Variants in MAPRE2 observed in about 807,000 individuals in gnomAD.
MAPRE2 encodes microtubule-associated protein RP/EB family member 2.
In MAPRE2, 13 loss-of-function variants were observed where a neutral mutation model predicts 43.2. The observed-to-expected ratio is 0.30, with a 90% confidence interval of 0.20 to 0.48. The LOEUF (loss-of-function observed/expected upper bound fraction) is 0.48, where lower values mean the gene tolerates loss of function less well. Among genes scored for constraint, MAPRE2 ranks in the 20% least tolerant of loss-of-function variants. The pLI, the probability that MAPRE2 is intolerant of heterozygous loss-of-function variation, is 0.99. For missense variants in MAPRE2, 161 were observed against 400.2 expected (o/e 0.40, Z 5.10); for synonymous variants, 135 against 148.8 (o/e 0.91, Z 0.68).
chr18:35,037,492 G>C (rs1389252768), upstream of MAPRE2, among the ~76,000 whole-genome samples: 1 of 152,184 alleles, frequency 6.6e-6, no homozygotes, highest in Non-Finnish European at 1.5e-5. Context: ...CCTCTTTAAT[G>C]CTGATGCTTG....
rs2097029120 is a variant in MAPRE2 at position 35,001,155 on chromosome 18, T to C, written c.-69-4337T>C. Among the ~76,000 whole-genome samples the C allele has an allele frequency of 1.3e-5, 2 of 152,196 alleles. 1 individual carries two copies. Among genetic ancestry groups the C allele is most frequent in the South Asian group, 4.1e-4 (2 of 4,836 alleles). On this transcript the variant is annotated intron_variant, in intron 1 of 7. Transcript: ENST00000413393. ...TCTATGCAAATAAATGTGGACATTT[T>C]ATAAGATTTTGAAAATTCCTAGATA...
At chr18:35,094,713 A>C (rs1350874834) in intron 2 of MAPRE2, among the ~76,000 whole-genome samples, 1 of 152,204 alleles carries the variant, frequency 6.6e-6, no homozygotes, top group Non-Finnish European at 1.5e-5. Flanking sequence ...GAAGATGGAC[A>C]GGAACCAAAG....
exon 2 of MAPRE2, chr18:35,005,542 T>C: frequency 6.5e-7 from 1 of 1,543,532 alleles, no homozygotes; most frequent in Non-Finnish European, 8.8e-7. Context: ...GGAGAAAGCC[T>C]GGATGCTCAA....
chr18:35,118,512 T>C (rs1434873668), intron 4 of MAPRE2, among the ~76,000 whole-genome samples: 1 of 152,184 alleles, frequency 6.6e-6, no homozygotes. Context: ...ACTATAGCAT[T>C]GCAAGTACTT....
chr18:35,103,474 G>A (rs1908769074), intron 4 of MAPRE2, among the ~76,000 whole-genome samples: 1 of 152,094 alleles, frequency 6.6e-6, no homozygotes, highest in African/African-American at 2.4e-5. Context: ...CTAAGTTTGA[G>A]ATTCTTTTGT....
intron 1 of MAPRE2, among the ~76,000 whole-genome samples, chr18:34,982,018 G>C (rs1423861812): frequency 6.6e-6 from 1 of 151,362 alleles, no homozygotes; most frequent in African/African-American, 2.4e-5. Context: ...CCGAGTAGCT[G>C]GGACTACAGC....
chr18:34,978,660 ATGCTTCCTTACTT>A, intron 1 of MAPRE2: 1 of 866,516 alleles, frequency 1.2e-6, no homozygotes, highest in Non-Finnish European at 1.9e-6. Context: ...TGGAAATGAA[ATGCTTCCTTACTT>A]TGCTTTCGTT....
At chr18:35,015,632 CAGTGTGTGTG>C (rs2097037679) in intron 2 of MAPRE2, among the ~76,000 whole-genome samples, 1 of 78,072 alleles carries the variant, frequency 1.3e-5, no homozygotes, top group South Asian at 4.9e-4. Context: ...ATAGGGATGG[CAGTGTGTGTG>C]TGTGTGTGTG....
At chr18:35,035,951 C>T (rs1010871052) in intron 2 of MAPRE2, among the ~76,000 whole-genome samples, 1 of 145,552 alleles carries the variant, frequency 6.9e-6, no homozygotes. Context: ...CACCTCATCA[C>T]ATTAAGACCT....
intron 1 of MAPRE2, among the ~76,000 whole-genome samples, chr18:34,983,220 A>C (rs544707369): frequency 6.6e-6 from 1 of 152,342 alleles, no homozygotes; most frequent in Admixed American, 6.5e-5. Flanking sequence ...TCAACTAATC[A>C]CTAAAAATAA....
chr18:35,001,225 A>G (rs2097029163), intron 1 of MAPRE2, among the ~76,000 whole-genome samples: 1 of 152,188 alleles, frequency 6.6e-6, no homozygotes, highest in African/African-American at 2.4e-5. Flanking sequence ...AATACAGGAT[A>G]TATCAGCTGG....
chr18:35,128,577 C>T (rs1385800010), intron 5 of MAPRE2, among the ~76,000 whole-genome samples: 2 of 152,146 alleles, frequency 1.3e-5, no homozygotes, highest in African/African-American at 4.8e-5. Context: ...TTAAAGTATA[C>T]AGGAGTATGT....
intron 5 of MAPRE2, 169 bp downstream of exon 5, chr18:35,127,256 G>C: frequency 1.6e-6 from 1 of 642,586 alleles, no homozygotes; most frequent in Non-Finnish European, 2.6e-6. Context: ...AGTAGCCCAT[G>C]ATGAATAAAA....
intron 2 of MAPRE2, among the ~76,000 whole-genome samples, chr18:35,017,634 A>G (rs1363599317): frequency 1.3e-5 from 2 of 151,338 alleles, no homozygotes; most frequent in Non-Finnish European, 3.0e-5. Flanking sequence ...CTTGAACATT[A>G]CTGGTGAATG....
At chr18:35,015,087 C>A (rs1268378644) in intron 2 of MAPRE2, among the ~76,000 whole-genome samples, 1 of 152,024 alleles carries the variant, frequency 6.6e-6, no homozygotes, top group African/African-American at 2.4e-5. Context: ...ATATTCAGAC[C>A]CCTAAACAAG....
chr18:35,069,480 C>G (rs1907001739), intron 1 of MAPRE2, among the ~76,000 whole-genome samples: 1 of 151,856 alleles, frequency 6.6e-6, no homozygotes, highest in South Asian at 2.1e-4. Flanking sequence ...GCTTGGTAGG[C>G]TAGGATGGGA....
At chr18:34,991,088 G>A (rs1441532802) in intron 1 of MAPRE2, among the ~76,000 whole-genome samples, 1 of 152,110 alleles carries the variant, frequency 6.6e-6, no homozygotes, top group African/African-American at 2.4e-5. Context: ...GCATGATGCT[G>A]AGGTTCGAGG....
intron 1 of MAPRE2, among the ~76,000 whole-genome samples, chr18:35,052,359 A>G (rs1905984439): frequency 1.3e-5 from 2 of 152,212 alleles, no homozygotes; most frequent in African/African-American, 2.4e-5. Flanking sequence ...GACTCAGCAC[A>G]ATGATTTTAA....
intron 5 of MAPRE2, among the ~76,000 whole-genome samples, chr18:35,128,795 C>G (rs1910016902): frequency 6.6e-6 from 1 of 152,192 alleles, no homozygotes; most frequent in Admixed American, 6.5e-5. Flanking sequence ...TCCCTCTCTT[C>G]CCCGTCTGCC....
Sources: gnomAD v4.1 joint callset for allele counts (sites outside exome capture counted in the v4.1 genomes callset) on GRCh38, gnomAD v4.1.1 for gene constraint, MANE v1.5 for transcripts, NCBI Gene and HGNC (gene_info 2026-07-23, HGNC 2026-07-21) for gene names.